Variants in PAX5 observed in about 807,000 individuals in gnomAD.
PAX5 encodes paired box protein Pax-5.
A neutral mutation model predicts 43.7 loss-of-function variants in PAX5; 9 were observed. The ratio of observed to expected loss-of-function variants is 0.21; its 90% CI spans 0.12 to 0.36. PAX5 has a LOEUF of 0.36. PAX5 is among the 10% of genes least tolerant of loss of function. PAX5 has a pLI of 1.00. For synonymous variants in PAX5, 228 were observed against 214.3 expected (o/e 1.06, Z -0.56); for missense variants, 383 against 532.7 (o/e 0.72, Z 2.77).
At chr9:36,991,611 A>T (rs998883346) in intron 5 of PAX5, among the ~76,000 whole-genome samples, 1 of 152,170 alleles carries the variant, frequency 6.6e-6, no homozygotes, top group African/African-American at 2.4e-5. Context: ...GACTTCAGCT[A>T]ATGGTCAGCC....
chr9:36,963,339 C>T (rs1459354945), intron 6 of PAX5, among the ~76,000 whole-genome samples: 2 of 152,142 alleles, frequency 1.3e-5, no homozygotes, highest in African/African-American at 2.4e-5. Context: ...CCCATCAGAC[C>T]CCATCTCTCC....
At chr9:36,948,061 C>T (rs894731863) in intron 6 of PAX5, among the ~76,000 whole-genome samples, 6 of 152,344 alleles carry the variant, frequency 3.9e-5, no homozygotes, top group Admixed American at 3.3e-4. Context: ...TTTGGAGACA[C>T]ACGGGAGCCT....
chr9:36,913,691 G>A (rs912448313), intron 7 of PAX5, among the ~76,000 whole-genome samples: 2 of 152,204 alleles, frequency 1.3e-5, no homozygotes, highest in Admixed American at 1.3e-4. Context: ...ATTTAATGCG[G>A]CATATATATC....
intron 5 of PAX5, among the ~76,000 whole-genome samples, chr9:36,994,449 C>T (rs888451441): frequency 3.3e-5 from 5 of 152,218 alleles, no homozygotes; most frequent in African/African-American, 9.6e-5. Context: ...CGCTACCCTA[C>T]CCACCTCTGG....
intron 4 of PAX5, among the ~76,000 whole-genome samples, chr9:37,003,745 G>A (rs1838147085): frequency 1.3e-5 from 2 of 152,224 alleles, no homozygotes; most frequent in South Asian, 4.1e-4. Context: ...GCTGAGGCAA[G>A]AGGATCACTT....
intron 7 of PAX5, among the ~76,000 whole-genome samples, chr9:36,886,128 C>T (rs1021309544): frequency 1.3e-5 from 2 of 152,168 alleles, no homozygotes; most frequent in African/African-American, 4.8e-5. Flanking sequence ...TGGACCCAAA[C>T]TGTGACTGGA....
At chr9:36,980,680 G>A (rs1174018961) in intron 5 of PAX5, among the ~76,000 whole-genome samples, 1 of 152,160 alleles carries the variant, frequency 6.6e-6, no homozygotes, top group Admixed American at 6.5e-5. Context: ...AGATGAGACT[G>A]AGGCCCAGGG....
chr9:36,925,379 G>A (rs76365503), intron 6 of PAX5, among the ~76,000 whole-genome samples: 93 of 152,126 alleles, frequency 6.1e-4, no homozygotes, highest in Non-Finnish European at 1.1e-3. Context: ...AAGGCCAGGG[G>A]GACAGGCTTA....
intron 6 of PAX5, among the ~76,000 whole-genome samples, chr9:36,942,986 C>T (rs9987557): frequency 3.9e-5 from 6 of 152,176 alleles, no homozygotes; most frequent in Admixed American, 6.5e-5. Context: ...CTTGTCTTCC[C>T]GCTCTCCTTC....
chr9:36,851,745 C>CA lies in PAX5; in HGVS notation c.1013-4817dup, dbSNP rs373204649. On this transcript the variant is annotated intron_variant, in intron 8 of 9. Transcript: ENST00000358127. ...CATGAGCAAAGGCAGGGAGGAGGGG[C>CA]AGGCAGATGGCCCACGATGGGATTC... is the stretch of plus-strand genomic sequence containing the variant. 3.2e-3 allele frequency among the ~76,000 whole-genome samples: 486 copies of CA among 152,280 alleles called. 4 individuals are homozygous for CA. The highest frequency in any genetic ancestry group is 0.012 in the African/African-American group (478 of 41,562).
intron 6 of PAX5, among the ~76,000 whole-genome samples, chr9:36,938,929 T>C (rs1171448704): frequency 1.3e-5 from 2 of 152,210 alleles, no homozygotes; most frequent in South Asian, 2.1e-4. Context: ...CAGACCCTCC[T>C]CTCTCAGCCA....
chr9:37,011,056 G>A (rs536118808), intron 3 of PAX5, among the ~76,000 whole-genome samples: 1 of 151,634 alleles, frequency 6.6e-6, no homozygotes, highest in East Asian at 1.9e-4. Flanking sequence ...GGGAGATCAA[G>A]GTTGCAGTGA....
At chr9:36,927,712 C>CTTTTTTTT (rs113477748) in intron 6 of PAX5, among the ~76,000 whole-genome samples, 1 of 142,084 alleles carries the variant, frequency 7.0e-6, no homozygotes, top group Non-Finnish European at 1.5e-5. Context: ...TTTTCTTTTT[C>CTTTTTTTT]TTTTTTTTTT....
chr9:37,033,291 G>A (rs1841169619), intron 1 of PAX5, among the ~76,000 whole-genome samples: 1 of 152,166 alleles, frequency 6.6e-6, no homozygotes, highest in Non-Finnish European at 1.5e-5. Flanking sequence ...AAACACCACG[G>A]ATCTCCATAG....
Position 36,840,220 on chromosome 9 carries a change from G to T in PAX5, c.*340C>A, listed in dbSNP as rs1821927863. On this transcript the variant is annotated 3_prime_UTR_variant, in exon 10 of 10. Coordinates refer to ENST00000358127, the MANE Select transcript of PAX5 (RefSeq NM_016734.3). ...AAAAGCAAGCTCTCCTTCCCAGGCTGGGGTGGTTATGATGGATGGATAGTC... is the reference window on the plus strand; with the variant it reads ...AAAAGCAAGCTCTCCTTCCCAGGCTTGGGTGGTTATGATGGATGGATAGTC... The T allele has an allele frequency of 2.1e-6, 1 of 480,492 alleles. No individual in the cohort carries two copies. The highest frequency in any genetic ancestry group is 3.8e-5 in the East Asian group (1 of 26,604). 29.8% of individuals were successfully genotyped at this position (480,492 alleles called of 1,614,324 possible).
intron 6 of PAX5, among the ~76,000 whole-genome samples, chr9:36,960,756 A>T (rs1031735264): frequency 4.6e-5 from 7 of 151,924 alleles, no homozygotes; most frequent in African/African-American, 1.7e-4. Context: ...ACCCCATTGT[A>T]CCTGACTTCC....
At chr9:36,939,622 T>C (rs1831866169) in intron 6 of PAX5, among the ~76,000 whole-genome samples, 2 of 152,214 alleles carry the variant, frequency 1.3e-5, no homozygotes, top group African/African-American at 4.8e-5. Flanking sequence ...GAAAATAGCA[T>C]CTGTAATTGG....
chr9:36,860,208 A>T (rs1298099886), intron 8 of PAX5, among the ~76,000 whole-genome samples: 8 of 150,486 alleles, frequency 5.3e-5, no homozygotes, highest in African/African-American at 2.0e-4. Flanking sequence ...GTGGTGGCAC[A>T]TGCCTGTAAT....
intron 5 of PAX5, among the ~76,000 whole-genome samples, chr9:36,982,095 C>T (rs1439206749): frequency 1.3e-5 from 2 of 152,016 alleles, no homozygotes; most frequent in East Asian, 1.9e-4. Flanking sequence ...CAAAACCCCA[C>T]CTCTAGTAAA....
Sources: gnomAD v4.1 joint callset for allele counts (sites outside exome capture counted in the v4.1 genomes callset) on GRCh38, gnomAD v4.1.1 for gene constraint, MANE v1.5 for transcripts, NCBI Gene and HGNC (gene_info 2026-07-23, HGNC 2026-07-21) for gene names.